The following GCNT1 variants were observed in gnomAD, a reference collection of about 807,000 sequenced individuals.
GCNT1 encodes the protein glucosaminyl (N-acetyl) transferase 1.
Under a neutral mutation model 26.2 loss-of-function variants are expected in GCNT1, and 16 were observed. That is an observed-to-expected ratio of 0.61 (90% CI 0.41 to 0.93). GCNT1 has a LOEUF of 0.93. Among genes scored for constraint, GCNT1 ranks in the 40% least tolerant of loss-of-function variants. The pLI, the probability that GCNT1 is intolerant of heterozygous loss-of-function variation, is 0.00. For missense variants in GCNT1, 477 were observed against 526.7 expected (o/e 0.91, Z 0.92); for synonymous variants, 183 against 190.8 (o/e 0.96, Z 0.34).
chr9:76,482,914 G>T (rs1824459752), intron 2 of GCNT1, among the ~76,000 whole-genome samples: 1 of 150,006 alleles, frequency 6.7e-6, no homozygotes, highest in African/African-American at 2.5e-5. Flanking sequence ...AGCTTCCCAA[G>T]GTGCTGGGAT....
chr9:76,437,173 A>T (rs1205385367), upstream of GCNT1, among the ~76,000 whole-genome samples: 1 of 152,148 alleles, frequency 6.6e-6, no homozygotes, highest in Non-Finnish European at 1.5e-5. Context: ...GATTGTCAGA[A>T]ACATGTGAAC....
At chr9:76,478,699 A>G (rs879741449) in intron 2 of GCNT1, among the ~76,000 whole-genome samples, 2 of 152,214 alleles carry the variant, frequency 1.3e-5, no homozygotes, top group African/African-American at 4.8e-5. Context: ...GATCCGTTGT[A>G]TGGATATACC....
At chr9:76,473,389 A>G (rs991765745) in intron 2 of GCNT1, among the ~76,000 whole-genome samples, 12 of 152,176 alleles carry the variant, frequency 7.9e-5, no homozygotes, top group African/African-American at 2.9e-4. Flanking sequence ...AGTATATTGA[A>G]GTATTTGTTA....
chr9:76,478,091 A>T (rs1486733064), intron 2 of GCNT1, among the ~76,000 whole-genome samples: 1 of 152,238 alleles, frequency 6.6e-6, no homozygotes, highest in Non-Finnish European at 1.5e-5. Flanking sequence ...GTGCTCTGTA[A>T]AATGGACCAA....
intron 2 of GCNT1, among the ~76,000 whole-genome samples, chr9:76,498,009 C>T (rs1275017944): frequency 6.6e-6 from 1 of 152,160 alleles, no homozygotes; most frequent in African/African-American, 2.4e-5. Flanking sequence ...TGTCCCCAGC[C>T]CCTGGCAGAC....
intron 2 of GCNT1, among the ~76,000 whole-genome samples, chr9:76,486,628 T>G (rs1475717765): frequency 6.6e-6 from 1 of 152,222 alleles, no homozygotes; most frequent in East Asian, 1.9e-4. Flanking sequence ...ATGCTACTAC[T>G]TCAGTTATAT....
chr9:76,396,270 G>A, the GCNT1 span, among the ~76,000 whole-genome samples: 1 of 152,182 alleles, frequency 6.6e-6, no homozygotes, highest in African/African-American at 2.4e-5. Context: ...CCTCTCATCA[G>A]CTTTGTTGGA....
At chr9:76,426,200 G>A (rs953384958) in intron 1 of GCNT1, among the ~76,000 whole-genome samples, 3 of 152,164 alleles carry the variant, frequency 2.0e-5, no homozygotes, top group South Asian at 2.1e-4. Flanking sequence ...TTCGTCCTGC[G>A]CTCAGGAATG....
intron 2 of GCNT1, among the ~76,000 whole-genome samples, chr9:76,496,666 A>G (rs1258073948): frequency 2.0e-5 from 3 of 152,114 alleles, no homozygotes; most frequent in Admixed American, 2.0e-4. Flanking sequence ...TTCCTTGACT[A>G]GCTTTCCTTC....
rs547584319 is a variant in GCNT1 at position 76,506,846 on chromosome 9, G to A, written c.*3178G>A. ...TTGGGTAGGAAGAGGCCATGTTTCA[G>A]TTCGTTTTCTCTGTAGGGTCGATTG... On this transcript the variant is annotated 3_prime_UTR_variant, in exon 4 of 4. Coordinates refer to ENST00000376730, the MANE Select transcript of GCNT1 (RefSeq NM_001490.5). 6.0e-6 allele frequency: 1 copy of A among 167,060 alleles called. No homozygotes were observed. The highest frequency in any genetic ancestry group is 1.9e-4 in the East Asian group (1 of 5,194). 10.3% of individuals were successfully genotyped at this position (167,060 alleles called of 1,614,324 possible). A position where few individuals can be genotyped will look rare whatever the true frequency, so the allele number is the denominator to read the frequency against.
the GCNT1 span, among the ~76,000 whole-genome samples, chr9:76,413,477 A>G: frequency 6.6e-6 from 1 of 152,192 alleles, no homozygotes; most frequent in Non-Finnish European, 1.5e-5. Flanking sequence ...GAAATTACAG[A>G]AAAATAGAAC....
intron 2 of GCNT1, among the ~76,000 whole-genome samples, chr9:76,485,346 G>A (rs950241719): frequency 1.2e-4 from 18 of 151,750 alleles, no homozygotes; most frequent in African/African-American, 4.4e-4. Context: ...CTAATTTTTT[G>A]TGTTTTTAGT....
chr9:76,497,676 T>C (rs1587456052), intron 2 of GCNT1, among the ~76,000 whole-genome samples: 1 of 152,158 alleles, frequency 6.6e-6, no homozygotes, highest in East Asian at 1.9e-4. Context: ...AACTTTGTAT[T>C]TTCTATTTGG....
intron 1 of GCNT1, among the ~76,000 whole-genome samples, chr9:76,433,480 A>T (rs1344682320): frequency 6.6e-6 from 1 of 152,076 alleles, no homozygotes; most frequent in Non-Finnish European, 1.5e-5. Flanking sequence ...CCACCATGGG[A>T]GTCACTTGCC....
At chr9:76,451,184 A>G (rs769783127) in intron 1 of GCNT1, among the ~76,000 whole-genome samples, 3 of 152,234 alleles carry the variant, frequency 2.0e-5, no homozygotes, top group Non-Finnish European at 4.4e-5. Flanking sequence ...AAAACAATTC[A>G]AAACTAATTT....
intron 2 of GCNT1, among the ~76,000 whole-genome samples, chr9:76,482,832 G>A (rs564823563): frequency 2.3e-3 from 198 of 86,870 alleles, no homozygotes; most frequent in African/African-American, 6.9e-3. Flanking sequence ...TTTTTTTTTG[G>A]TAGAGATGGG....
At chr9:76,439,941 A>G (rs1199855342), upstream of GCNT1, among the ~76,000 whole-genome samples, 1 of 151,820 alleles carries the variant, frequency 6.6e-6, no homozygotes, top group Admixed American at 6.6e-5. Context: ...CTCTACTAAA[A>G]ATACAAAAAA....
intron 2 of GCNT1, among the ~76,000 whole-genome samples, chr9:76,465,507 T>C (rs1176136476): frequency 6.6e-6 from 1 of 152,198 alleles, no homozygotes; most frequent in Non-Finnish European, 1.5e-5. Flanking sequence ...TTGGTGTCTT[T>C]GTGCAAACCC....
intron 2 of GCNT1, among the ~76,000 whole-genome samples, chr9:76,475,544 T>A (rs142489787): frequency 1.2e-3 from 179 of 152,280 alleles, no homozygotes; most frequent in African/African-American, 4.2e-3. Flanking sequence ...TTATTTTTAT[T>A]TTTTGAGTTC....
Sources: gnomAD v4.1 joint callset for allele counts (sites outside exome capture counted in the v4.1 genomes callset) on GRCh38, gnomAD v4.1.1 for gene constraint, MANE v1.5 for transcripts, NCBI Gene and HGNC (gene_info 2026-07-23, HGNC 2026-07-21) for gene names.